Variants in RPS6KB1 observed in about 807,000 individuals in gnomAD.
RPS6KB1 encodes the protein ribosomal protein S6 kinase B1.
Under a neutral mutation model 70.2 loss-of-function variants are expected in RPS6KB1, and 12 were observed. That is an observed-to-expected ratio of 0.17 (90% CI 0.11 to 0.28). The LOEUF is 0.28. Among genes scored for constraint, RPS6KB1 ranks in the 10% least tolerant of loss-of-function variants. The probability of loss-of-function intolerance (pLI) is 1.00; values close to 1 mark genes in which losing one functional copy is unlikely to be tolerated. For missense variants in RPS6KB1, 270 were observed against 646.6 expected (o/e 0.42, Z 6.32); for synonymous variants, 175 against 211.2 (o/e 0.83, Z 1.49).
chr17:59,934,281 A>G lies in RPS6KB1; in HGVS notation c.779+21A>G. The G allele has an allele frequency of 3.2e-6, 5 of 1,570,018 alleles. No homozygotes were observed. The highest frequency in any genetic ancestry group is 4.4e-6 in the Non-Finnish European group (5 of 1,140,024). ...TACATGTGAGCTACATGTTAAACAT[A>G]ATTGGTTTGGGGGTAATAGCTAATT... On this transcript the variant is annotated intron_variant, in intron 8 of 14. Transcript: ENST00000225577. The surrounding 1 kb of genome is among the most constrained non-coding windows in gnomAD (Gnocchi z 4.8).
intron 4 of RPS6KB1, among the ~76,000 whole-genome samples, chr17:59,921,059 G>A (rs2043239134): frequency 6.6e-6 from 1 of 152,114 alleles, no homozygotes; most frequent in South Asian, 2.1e-4. Flanking sequence ...GGATAATCAG[G>A]CCTGACCATA....
intron 13 of RPS6KB1, 62 bp from the exon 14 acceptor site, chr17:59,945,344 C>G: frequency 1.2e-6 from 1 of 860,288 alleles, no homozygotes; most frequent in South Asian, 1.4e-5. Context: ...GACTGAACAA[C>G]CCCATTCTCT....
chr17:59,913,382 A>G (rs916660478), intron 3 of RPS6KB1, among the ~76,000 whole-genome samples: 2 of 152,216 alleles, frequency 1.3e-5, no homozygotes, highest in African/African-American at 4.8e-5. Flanking sequence ...GTTAGTATTA[A>G]GTTTTAAGAA....
Position 59,946,878 on chromosome 17 carries a change from G to C in RPS6KB1, c.*90G>C. The C allele has an allele frequency of 6.3e-7, 1 of 1,579,634 alleles. No individual in the cohort carries two copies. Among genetic ancestry groups the C allele is most frequent in the South Asian group, 1.2e-5 (1 of 85,128 alleles). On this transcript the variant is annotated 3_prime_UTR_variant, in exon 15 of 15. Coordinates refer to ENST00000225577, the MANE Select transcript of RPS6KB1 (RefSeq NM_003161.4). This position sits in a 1 kb window ranked among gnomAD's most constrained non-coding sequence, Gnocchi z 4.2. ...CAAGGTGAAACGACTCAAAATGACA[G>C]TTTCAGAGAGTCAATGTCATTACAT...
intron 10 of RPS6KB1, 91 bp from the exon 11 acceptor site, chr17:59,936,124 C>A: frequency 1.6e-6 from 2 of 1,214,934 alleles, no homozygotes; most frequent in East Asian, 2.4e-5. Flanking sequence ...TATATTTTCT[C>A]AAGCCAAAGT....
intron 10 of RPS6KB1, 81 bp downstream of exon 10, chr17:59,935,381 A>C: frequency 1.4e-6 from 1 of 725,322 alleles, no homozygotes; most frequent in Non-Finnish European, 2.3e-6. Flanking sequence ...TATATTTTGA[A>C]TAAAGAGTCA....
chr17:59,917,619 G>T (rs933840125), intron 4 of RPS6KB1, among the ~76,000 whole-genome samples: 2 of 151,896 alleles, frequency 1.3e-5, no homozygotes, highest in South Asian at 4.2e-4. Flanking sequence ...AAAATGTTTC[G>T]TAGAGACAAG....
chr17:59,912,929 A>G lies in RPS6KB1; in HGVS notation c.312+125A>G, dbSNP rs570264863. 14 of 1,021,668 alleles carry G rather than the reference A, an allele frequency of 1.4e-5. No homozygotes were observed. The East Asian group carries it at 3.4e-4, about 25-fold the overall frequency. 63.3% of individuals were successfully genotyped at this position (1,021,668 alleles called of 1,614,324 possible). The stretch of plus-strand genomic sequence containing the variant: ...GCAAAGGATGTGATCATGACCACTT[A>G]GCTGGTATGTTTGAGGGATGTACAG... On this transcript the variant is annotated intron_variant, in intron 3 of 14. Transcript: ENST00000225577.
Position 59,896,864 on chromosome 17 carries a change from C to G in RPS6KB1, c.141+3539C>G, listed in dbSNP as rs567650115. On this transcript the variant is annotated intron_variant, in intron 1 of 14. Coordinates refer to ENST00000225577, the MANE Select transcript of RPS6KB1 (RefSeq NM_003161.4). Reference sequence around the variant, plus strand: ...GATGGATAATGGAAGATTTGGAGTACGATTGGGTTGACAATCCAAGGAGAT... The same window carrying G: ...GATGGATAATGGAAGATTTGGAGTAGGATTGGGTTGACAATCCAAGGAGAT... Among the ~76,000 whole-genome samples the G allele has an allele frequency of 5.3e-4, 80 of 149,654 alleles. 1 individual carries two copies. Among genetic ancestry groups the G allele is most frequent in the Middle Eastern group, 6.8e-3 (2 of 292 alleles).
rs2044253002 is a variant in RPS6KB1, at chr17:59,936,484, C to T, written c.1062C>T (p.His354=). ...CCTAGGCTCATCCATTCTTTAGACA[C>T]ATTAACTGGGAAGAACTTCTGGCTC... ...GEVQAHPFFR[H]INWEELLARK... is the part of the protein sequence containing the mutation. The change falls in exon 12 of 15, where the codon CAC becomes CAT. Residue 354 remains histidine, a synonymous_variant. Coordinates refer to ENST00000225577, the MANE Select transcript of RPS6KB1 (RefSeq NM_003161.4). 4.3e-6 allele frequency: 7 copies of T among 1,613,608 alleles called. No homozygotes were observed. The highest frequency in any genetic ancestry group is 5.9e-6 in the Non-Finnish European group (7 of 1,179,746).
chr17:59,900,887 C>A (rs549898259), intron 1 of RPS6KB1, among the ~76,000 whole-genome samples: 1 of 151,524 alleles, frequency 6.6e-6, no homozygotes, highest in Non-Finnish European at 1.5e-5. Flanking sequence ...CTCGGCCGGG[C>A]GCAGTGGCTC....
At chr17:59,942,157 C>T (rs1440739254) in intron 13 of RPS6KB1, among the ~76,000 whole-genome samples, 6 of 152,224 alleles carry the variant, frequency 3.9e-5, no homozygotes, top group East Asian at 3.9e-4. Context: ...CACGCCCAGT[C>T]GATGGTCTCG....
chr17:59,942,137 C>T (rs1242209678), intron 13 of RPS6KB1, among the ~76,000 whole-genome samples: 4 of 152,112 alleles, frequency 2.6e-5, no homozygotes, highest in Admixed American at 6.5e-5. Context: ...GGATTACAGG[C>T]GTAAGCCACC....
intron 1 of RPS6KB1, among the ~76,000 whole-genome samples, chr17:59,908,902 G>A (rs2042435765): frequency 7.1e-6 from 1 of 140,562 alleles, no homozygotes; most frequent in Non-Finnish European, 1.5e-5. Flanking sequence ...ACAAGCGTGA[G>A]CCACCGCGCC....
At chr17:59,915,684 T>C (rs1466902879) in intron 4 of RPS6KB1, among the ~76,000 whole-genome samples, 1 of 150,210 alleles carries the variant, frequency 6.7e-6, no homozygotes, top group Admixed American at 6.7e-5. Flanking sequence ...CAGGCTGGTC[T>C]CGAACTCCTG....
At chr17:59,927,709 G>T (rs1334851200) in intron 5 of RPS6KB1, among the ~76,000 whole-genome samples, 1 of 151,392 alleles carries the variant, frequency 6.6e-6, no homozygotes, top group East Asian at 2.0e-4. Flanking sequence ...CTTTCACCAT[G>T]TTGGCCAGGC....
intron 4 of RPS6KB1, among the ~76,000 whole-genome samples, chr17:59,924,599 A>G (rs1466201633): frequency 6.6e-6 from 1 of 151,944 alleles, no homozygotes; most frequent in African/African-American, 2.4e-5. Flanking sequence ...CTCAGAAGGT[A>G]TTCTCAAAAG....
At chr17:59,894,308 G>A (rs2041369527) in intron 1 of RPS6KB1, among the ~76,000 whole-genome samples, 1 of 151,878 alleles carries the variant, frequency 6.6e-6, no homozygotes, top group South Asian at 2.1e-4. Context: ...ATGACAAATT[G>A]CACCTGAAGT....
chr17:59,900,205 CA>C (rs1439206540), intron 1 of RPS6KB1, among the ~76,000 whole-genome samples: 5 of 150,484 alleles, frequency 3.3e-5, no homozygotes, highest in Admixed American at 6.7e-5. Context: ...CACACACACA[CA>C]CACACACACA....
Sources: gnomAD v4.1 joint callset for allele counts (sites outside exome capture counted in the v4.1 genomes callset) on GRCh38, gnomAD v4.1.1 for gene constraint, Gnocchi (gnomAD v3.1) non-coding constraint, MANE v1.5 for transcripts, NCBI Gene and HGNC (gene_info 2026-07-23, HGNC 2026-07-21) for gene names.